Variants in MACF1 observed in about 807,000 individuals in gnomAD.
The protein encoded by MACF1 is microtubule actin crosslinking factor 1.
A neutral mutation model predicts 854.8 loss-of-function variants in MACF1; 193 were observed. The observed-to-expected ratio is 0.23, with a 90% confidence interval of 0.20 to 0.25. The LOEUF is 0.25. MACF1 is among the 10% of genes least tolerant of loss of function. The probability of loss-of-function intolerance (pLI) is 1.00; values close to 1 mark genes in which losing one functional copy is unlikely to be tolerated. For synonymous variants in MACF1, 3,185 were observed against 3,226.7 expected, an observed-to-expected ratio of 0.99 and a Z score of 0.44; for missense variants, 7,722 against 8,929.1, an observed-to-expected ratio of 0.86 and a Z score of 5.45.
At chr1:39,432,802 GA>G in intron 67 of MACF1, 148 bp downstream of exon 67, 6 of 995,230 alleles carry the variant, frequency 6.0e-6, no homozygotes, top group Non-Finnish European at 8.4e-6. Flanking sequence ...TTGAGATGAG[GA>G]AGAATTTTTT....
At chr1:39,375,242 G>A (rs1408775934) in intron 52 of MACF1, among the ~76,000 whole-genome samples, 1 of 152,034 alleles carries the variant, frequency 6.6e-6, no homozygotes, top group Admixed American at 6.6e-5. Flanking sequence ...CTAACTTAAC[G>A]AATATAAAAA....
At chr1:39,276,988 A>C (rs1171117970) in intron 6 of MACF1, among the ~76,000 whole-genome samples, 1 of 152,172 alleles carries the variant, frequency 6.6e-6, no homozygotes, top group African/African-American at 2.4e-5. Flanking sequence ...GAAAAATCTA[A>C]GAAAGTTTTA....
chr1:39,258,128 A>G lies in MACF1; in HGVS notation c.528+100A>G, dbSNP rs367602217. 396 of 935,804 alleles carry G rather than the reference A, an allele frequency of 4.2e-4. 1 individual carries two copies. Among genetic ancestry groups the G allele is most frequent in the African/African-American group, 3.1e-3 (189 of 61,056 alleles). 58.0% of individuals were successfully genotyped at this position (935,804 alleles called of 1,614,324 possible). The stretch of plus-strand genomic sequence containing the variant: ...ACAGCATTGAGCCTTCCTTCTCTCT[A>G]TTTGTCAGTGAACAAAGGTGGATGG... On this transcript the variant is annotated intron_variant, in intron 6 of 100. Coordinates refer to ENST00000564288, the MANE Select transcript of MACF1 (RefSeq NM_001394062.1).
At chr1:39,359,102 C>A in intron 46 of MACF1, 39 bp from the exon 47 acceptor site, 1 of 1,612,356 alleles carries the variant, frequency 6.2e-7, no homozygotes, top group Non-Finnish European at 8.5e-7. Flanking sequence ...TCTTTGATTA[C>A]TTAGATGTTT....
chr1:39,295,695 A>G (rs1268423567), intron 19 of MACF1, 92 bp from the exon 20 acceptor site: 10 of 875,706 alleles, frequency 1.1e-5, no homozygotes, highest in East Asian at 2.7e-5. Context: ...CTTCTCTATC[A>G]TTAGCAGAGT....
At chr1:39,371,464 G>A (rs1217320037) in intron 51 of MACF1, among the ~76,000 whole-genome samples, 1 of 152,074 alleles carries the variant, frequency 6.6e-6, no homozygotes, top group Non-Finnish European at 1.5e-5. Context: ...AGATTGTCAG[G>A]GATATTCAGT....
In MACF1 at chr1:39,337,254, A is replaced by C; in HGVS notation, c.10138A>C (p.Ile3380Leu). 1 of 1,614,140 alleles carries C rather than the reference A, an allele frequency of 6.2e-7. No individual in the cohort carries two copies. The highest frequency in any genetic ancestry group is 8.5e-7 in the Non-Finnish European group (1 of 1,179,974). The change falls in exon 38 of 101, where the codon ATT becomes CTT. Residue 3380 changes from isoleucine to leucine, a missense_variant. By Grantham distance (5) the Ile-to-Leu change is conservative (BLOSUM62 2). Transcript: ENST00000564288. Reference sequence around the variant, plus strand: ...ATCCTATCTGTCTCTGTTACGGAACATTGAAATGAGGACCAAACAGATTCA... The same window carrying C: ...ATCCTATCTGTCTCTGTTACGGAACCTTGAAATGAGGACCAAACAGATTCA... ...LVSYLSLLRN[I>L]EMRTKQIQPL...
chr1:39,351,866 G>A (rs3118016), intron 43 of MACF1, among the ~76,000 whole-genome samples: 1 of 151,986 alleles, frequency 6.6e-6, no homozygotes, highest in Non-Finnish European at 1.5e-5. Flanking sequence ...GGGATTACAG[G>A]TGTGAGTCAC....
intron 1 of MACF1, among the ~76,000 whole-genome samples, chr1:39,208,902 C>G (rs970279824): frequency 3.3e-5 from 5 of 151,670 alleles, no homozygotes; most frequent in Admixed American, 2.6e-4. Context: ...GGATTACAGG[C>G]GAAAACAGGG....
intron 91 of MACF1, chr1:39,459,749 A>T (rs1241698582): frequency 9.2e-7 from 1 of 1,088,552 alleles, no homozygotes; most frequent in Non-Finnish European, 1.2e-6. Context: ...AAAATATAGT[A>T]CTATGCTTCC....
At chr1:39,314,569 T>TCTCACACACACA (rs1379643806) in intron 26 of MACF1, among the ~76,000 whole-genome samples, 24 of 65,304 alleles carry the variant, frequency 3.7e-4, no homozygotes, top group Non-Finnish European at 4.5e-4. Context: ...TCTCTCTCTC[T>TCTCACACACACA]CACACACACA....
rs139514822 is a variant in MACF1, at chr1:39,335,358, A to C, written c.8770A>C (p.Lys2924Gln). 7 of 1,613,738 alleles carry C rather than the reference A, an allele frequency of 4.3e-6. 1 individual carries two copies. The African/African-American group carries it at 9.3e-5, about 22-fold the overall frequency. ...AAAAATAGAAATTATTTCTCATATG[A>C]AGCAGTCTACCTCATGTCTAGATTC... is the stretch of plus-strand genomic sequence containing the variant. Reference protein sequence around the residue: ...VTKIEIISHMKQSTSCLDSEE... With the variant: ...VTKIEIISHMQQSTSCLDSEE... The change falls in exon 37 of 101, where the codon AAG (lysine) becomes CAG (glutamine). Residue 2924 changes from lysine (K) to glutamine (Q), a missense_variant. Coordinates refer to ENST00000564288, the MANE Select transcript of MACF1 (RefSeq NM_001394062.1).
intron 43 of MACF1, among the ~76,000 whole-genome samples, chr1:39,352,064 C>T (rs1647200314): frequency 6.6e-6 from 1 of 152,216 alleles, no homozygotes; most frequent in African/African-American, 2.4e-5. Context: ...TTCTGCACCC[C>T]ACTCAGCACT....
chr1:39,314,269 C>T (rs1033417122), intron 26 of MACF1, among the ~76,000 whole-genome samples: 1 of 152,032 alleles, frequency 6.6e-6, no homozygotes, highest in Non-Finnish European at 1.5e-5. Flanking sequence ...ATTAGCCAGG[C>T]ATGGTGGCGT....
At chr1:39,457,495 A>C (rs1212178623) in intron 89 of MACF1, 1 of 152,350 alleles carries the variant, frequency 6.6e-6, no homozygotes, top group Non-Finnish European at 1.5e-5. Flanking sequence ...TTTTACACTG[A>C]AGCCAGAGTG....
chr1:39,420,300 T>C (rs750567882), intron 58 of MACF1, among the ~76,000 whole-genome samples: 2 of 152,210 alleles, frequency 1.3e-5, no homozygotes, highest in Non-Finnish European at 2.9e-5. Flanking sequence ...TTCTTTGCCT[T>C]TTCATTCCTT....
intron 1 of MACF1, among the ~76,000 whole-genome samples, chr1:39,220,808 T>A (rs969580073): frequency 3.9e-5 from 6 of 152,168 alleles, no homozygotes. Flanking sequence ...GTTTAAAGCA[T>A]GGATCTTGAC....
chr1:39,160,090 G>A (rs538091077), intron 2 of MACF1, among the ~76,000 whole-genome samples: 12 of 152,240 alleles, frequency 7.9e-5, no homozygotes, highest in African/African-American at 2.2e-4. Context: ...TGAGATGGGA[G>A]GATCGCTTGA....
At chr1:39,464,108 G>A (rs769766347) in intron 94 of MACF1, 1 of 173,358 alleles carries the variant, frequency 5.8e-6, no homozygotes, top group African/African-American at 2.4e-5. Context: ...CTCTGAGCTG[G>A]GCTACAAATG....
Sources: allele counts gnomAD v4.1 joint callset (sites outside exome capture counted in the v4.1 genomes callset), GRCh38; gene constraint gnomAD v4.1.1; transcripts MANE v1.5; gene names NCBI Gene and HGNC (gene_info 2026-07-23, HGNC 2026-07-21).